Variants in VPS13B observed in about 807,000 individuals in gnomAD.
VPS13B encodes the protein vacuolar protein sorting 13 homolog B, also known as intermembrane lipid transfer protein VPS13B.
In VPS13B, 285 loss-of-function variants were observed where a neutral mutation model predicts 426.4. The observed-to-expected ratio is 0.67, with a 90% CI of 0.61 to 0.74. VPS13B has a LOEUF of 0.74. Ranked by LOEUF, VPS13B falls within the 30% of genes least tolerant of loss-of-function variation. VPS13B has a pLI of 0.00. For missense variants in VPS13B, 4,537 were observed against 4,782.6 expected, an observed-to-expected ratio of 0.95 and a Z score of 1.51; for synonymous variants, 1,676 against 1,676.4, an observed-to-expected ratio of 1.00 and a Z score of 0.01.
Position 99,092,647 on chromosome 8 carries a change from A to G in VPS13B, c.292-3665A>G, listed in dbSNP as rs530779970. On this transcript the variant is annotated intron_variant, in intron 3 of 61. Transcript: ENST00000357162. ...AAACTCACTTTTATTTGATACAACTAAAATGTAATTGAAATGAAAGCAAGT... is the reference window on the plus strand; with the variant it reads ...AAACTCACTTTTATTTGATACAACTGAAATGTAATTGAAATGAAAGCAAGT... 1.2e-4 allele frequency among the ~76,000 whole-genome samples: 18 copies of G among 152,194 alleles called. No homozygotes were observed. The South Asian group carries it at 3.5e-3, about 30-fold the overall frequency.
At position 99,818,472 on chromosome 8, in the gene VPS13B, A is replaced by G. The variant is rs768899813; in HGVS notation, c.8383A>G (p.Ile2795Val). 1 of 1,614,034 alleles carries G rather than the reference A, an allele frequency of 6.2e-7. No homozygotes were observed. The highest frequency in any genetic ancestry group is 8.5e-7 in the Non-Finnish European group (1 of 1,179,950). Reference protein sequence around the residue: ...VIQVPSSNSSIIYVWCTVLTL... With the variant: ...VIQVPSSNSSVIYVWCTVLTL... ...GCAGGTGCCATCTTCAAACAGTTCC[A>G]TTATTTATGTCTGGTGCACAGTTTT... is the stretch of plus-strand genomic sequence containing the variant. Residue 2795 changes from isoleucine to valine, a missense_variant, in exon 46 of 62, where the codon ATT (isoleucine) becomes GTT (valine). Coordinates refer to ENST00000357162, the MANE Select transcript of VPS13B (RefSeq NM_152564.5).
chr8:99,176,613 G>T (rs921634615), intron 16 of VPS13B, among the ~76,000 whole-genome samples: 6 of 152,094 alleles, frequency 3.9e-5, no homozygotes, highest in African/African-American at 1.4e-4. Flanking sequence ...TCAGCATAAG[G>T]ACTATTGTAA....
At chr8:99,273,657 G>C (rs1448998965) in intron 17 of VPS13B, among the ~76,000 whole-genome samples, 2 of 151,952 alleles carry the variant, frequency 1.3e-5, no homozygotes, top group Non-Finnish European at 2.9e-5. Context: ...GGTGGAATGC[G>C]CCCGTAATCC....
intron 17 of VPS13B, among the ~76,000 whole-genome samples, chr8:99,250,664 CTTTTTTTTTTTTTTTTTTTTTTTTTTTTT>C (rs60698750): frequency 5.6e-5 from 2 of 35,770 alleles, no homozygotes; most frequent in African/African-American, 2.5e-4. Flanking sequence ...TGTGTTTATT[CTTTTTTTTTTTTTTTTTTTTTTTTTTTTT>C]TTTTTTTTTG....
chr8:99,517,251 T>C (rs1417706394), intron 29 of VPS13B, among the ~76,000 whole-genome samples: 2 of 152,210 alleles, frequency 1.3e-5, no homozygotes, highest in African/African-American at 2.4e-5. Context: ...AAAAGTTTGT[T>C]GTAAGCAACA....
intron 19 of VPS13B, among the ~76,000 whole-genome samples, chr8:99,371,768 C>G (rs1351125964): frequency 1.3e-5 from 2 of 152,122 alleles, no homozygotes; most frequent in African/African-American, 4.8e-5. Flanking sequence ...TTGTAGTTCT[C>G]CTTGAAAAGG....
At chr8:99,039,595 G>C (rs1842888555) in intron 3 of VPS13B, among the ~76,000 whole-genome samples, 1 of 151,110 alleles carries the variant, frequency 6.6e-6, no homozygotes, top group African/African-American at 2.4e-5. Flanking sequence ...TAGTTTTAAG[G>C]AAGATTGGCT....
intron 39 of VPS13B, among the ~76,000 whole-genome samples, chr8:99,754,943 G>A (rs1365467430): frequency 6.6e-6 from 1 of 152,112 alleles, no homozygotes; most frequent in Non-Finnish European, 1.5e-5. Flanking sequence ...ATAATTAGAG[G>A]CAATTGATTA....
At chr8:99,376,858 C>G (rs1297806176) in intron 19 of VPS13B, among the ~76,000 whole-genome samples, 2 of 151,902 alleles carry the variant, frequency 1.3e-5, no homozygotes, top group African/African-American at 2.4e-5. Flanking sequence ...ATGGCCTGTA[C>G]TTAGATGCAT....
intron 24 of VPS13B, among the ~76,000 whole-genome samples, chr8:99,474,960 A>T (rs1819616456): frequency 6.6e-6 from 1 of 152,166 alleles, no homozygotes; most frequent in African/African-American, 2.4e-5. Context: ...CATCAGGTGA[A>T]TTAGTAAAAA....
At chr8:99,734,313 A>C (rs1833727621) in intron 39 of VPS13B, among the ~76,000 whole-genome samples, 1 of 152,136 alleles carries the variant, frequency 6.6e-6, no homozygotes, top group Non-Finnish European at 1.5e-5. Flanking sequence ...ATCCTTATTT[A>C]CTTTACTTAG....
chr8:99,170,037 A>T lies in VPS13B; in HGVS notation c.2209-2A>T. Reference sequence around the variant, plus strand: ...CACTTGCATCTTTTCTTTTTGTTTTAGATATTTGGTTTCCAGGCAGGACTG... The same window carrying T: ...CACTTGCATCTTTTCTTTTTGTTTTTGATATTTGGTTTCCAGGCAGGACTG... On this transcript the variant is annotated splice_acceptor_variant, in intron 15 of 61. Coordinates refer to ENST00000357162, the MANE Select transcript of VPS13B (RefSeq NM_152564.5). LOFTEE classifies it high-confidence loss of function. The T allele has an allele frequency of 1.9e-6, 3 of 1,612,412 alleles. No individual in the cohort carries two copies. The highest frequency in any genetic ancestry group is 2.5e-6 in the Non-Finnish European group (3 of 1,178,696).
chr8:99,248,339 A>G (rs1817327539), intron 17 of VPS13B, among the ~76,000 whole-genome samples: 1 of 152,178 alleles, frequency 6.6e-6, no homozygotes, highest in South Asian at 2.1e-4. Flanking sequence ...CAATGTATAC[A>G]TATATAGAAA....
intron 33 of VPS13B, among the ~76,000 whole-genome samples, chr8:99,632,828 G>A (rs1416009281): frequency 1.3e-5 from 2 of 151,946 alleles, no homozygotes; most frequent in African/African-American, 4.8e-5. Flanking sequence ...GTAAAGGGTG[G>A]CTAATACAAG....
chr8:99,332,871 C>T (rs1270480387), intron 19 of VPS13B, among the ~76,000 whole-genome samples: 1 of 151,506 alleles, frequency 6.6e-6, no homozygotes, highest in Admixed American at 6.6e-5. Context: ...AAAAAGTTGG[C>T]TCACATGTTT....
intron 3 of VPS13B, among the ~76,000 whole-genome samples, chr8:99,066,547 C>G: frequency 6.6e-6 from 1 of 152,178 alleles, no homozygotes; most frequent in Non-Finnish European, 1.5e-5. Context: ...ACCACAAAAA[C>G]CCTAGAAGAA....
chr8:99,563,040 A>G (rs1288746551), intron 31 of VPS13B, among the ~76,000 whole-genome samples: 1 of 152,154 alleles, frequency 6.6e-6, no homozygotes, highest in Non-Finnish European at 1.5e-5. Context: ...GCATGCACCT[A>G]TGGTCCTAGC....
At chr8:99,652,782 T>A (rs1454355197) in intron 34 of VPS13B, among the ~76,000 whole-genome samples, 1 of 152,190 alleles carries the variant, frequency 6.6e-6, no homozygotes, top group Non-Finnish European at 1.5e-5. Context: ...TTTAATGTCA[T>A]AATGATCACA....
chr8:99,726,035 G>C (rs1049092594), intron 39 of VPS13B, among the ~76,000 whole-genome samples: 3 of 152,044 alleles, frequency 2.0e-5, no homozygotes, highest in African/African-American at 7.2e-5. Context: ...CCTCAGATTT[G>C]TCTCTTTATA....
Sources: allele counts gnomAD v4.1 joint callset (sites outside exome capture counted in the v4.1 genomes callset), GRCh38; gene constraint gnomAD v4.1.1; transcripts MANE v1.5; gene names NCBI Gene and HGNC (gene_info 2026-07-23, HGNC 2026-07-21).